Variants in TRPM6 observed in about 807,000 individuals in gnomAD.
TRPM6 encodes the protein channel kinase 2.
In TRPM6, 111 loss-of-function variants were observed where a neutral mutation model predicts 247.6. The observed-to-expected ratio is 0.45, with a 90% CI of 0.38 to 0.52. The LOEUF is 0.52. Among genes scored for constraint, TRPM6 ranks in the 20% least tolerant of loss-of-function variants. The pLI, the probability that TRPM6 is intolerant of heterozygous loss-of-function variation, is 0.00. For missense variants in TRPM6, 2,126 were observed against 2,421.5 expected (o/e 0.88, Z 2.56); for synonymous variants, 892 against 853.8 (o/e 1.04, Z -0.78).
At chr9:74,749,758 C>T (rs73530676) in intron 30 of TRPM6, among the ~76,000 whole-genome samples, 5,852 of 152,290 alleles carry the variant, frequency 0.038, 376 homozygotes, top group African/African-American at 0.13. Flanking sequence ...TAAACCCCTA[C>T]TCTGCATGAG....
chr9:74,780,165 C>CAA lies in TRPM6; in HGVS notation c.3209+2195_3209+2196dup, dbSNP rs372044136. On this transcript the variant is annotated intron_variant, in intron 23 of 38. Transcript: ENST00000360774. ...CCAGCCTGGACAACAGAGAGAGACT[C>CAA]AAAAAAAAAAAAGTGACAGGGGCCA... 1.2e-3 allele frequency among the ~76,000 whole-genome samples: 148 copies of CAA among 128,388 alleles called. 2 individuals are homozygous for CAA. The East Asian group carries it at 0.031, about 27-fold the overall frequency. 84.2% of individuals were successfully genotyped at this position (128,388 alleles called of 152,430 possible).
chr9:74,824,325 T>C (rs1406458030), intron 7 of TRPM6, among the ~76,000 whole-genome samples: 1 of 151,662 alleles, frequency 6.6e-6, no homozygotes, highest in African/African-American at 2.4e-5. Flanking sequence ...TGCTTTTTTG[T>C]ATTTTTAGTA....
intron 1 of TRPM6, among the ~76,000 whole-genome samples, chr9:74,880,095 G>C (rs1831315862): frequency 6.6e-6 from 1 of 152,064 alleles, no homozygotes. Context: ...AGTCCTCTGT[G>C]CTGATTGTTG....
At chr9:74,807,876 C>A (rs1439951308) in intron 14 of TRPM6, among the ~76,000 whole-genome samples, 158 bp downstream of exon 14, 1 of 152,172 alleles carries the variant, frequency 6.6e-6, no homozygotes, top group African/African-American at 2.4e-5. Context: ...CACTGCAACA[C>A]TTAGTACAGT....
chr9:74,805,348 T>G (rs537693172), intron 14 of TRPM6, among the ~76,000 whole-genome samples: 1 of 152,328 alleles, frequency 6.6e-6, no homozygotes, highest in East Asian at 1.9e-4. Flanking sequence ...CTTCACTTGT[T>G]GAGGGAGAAC....
intron 15 of TRPM6, among the ~76,000 whole-genome samples, chr9:74,802,491 A>C (rs891996130): frequency 3.9e-5 from 6 of 152,220 alleles, no homozygotes; most frequent in African/African-American, 1.4e-4. Flanking sequence ...AGGGGGAGAC[A>C]TAACAATGCC....
intron 14 of TRPM6, 42 bp from the exon 15 acceptor site, chr9:74,803,928 T>C (rs1404074299): frequency 8.5e-7 from 1 of 1,181,996 alleles, no homozygotes; most frequent in South Asian, 1.2e-5. Flanking sequence ...CTCTGGCACG[T>C]TATTATTTTA....
At chr9:74,724,858 C>A (rs990262298) in intron 38 of TRPM6, 112 bp from the exon 39 acceptor site, 2 of 1,381,586 alleles carry the variant, frequency 1.4e-6, no homozygotes, top group Non-Finnish European at 2.0e-6. Context: ...TCCTCTTCCT[C>A]AGACCATAGA....
chr9:74,742,707 C>A (rs1825903231), intron 32 of TRPM6, 81 bp from the exon 33 acceptor site: 15 of 1,145,860 alleles, frequency 1.3e-5, no homozygotes, highest in South Asian at 1.1e-4. Context: ...TCAATATATT[C>A]ATATAATGCT....
At chr9:74,802,283 A>G in intron 15 of TRPM6, 108 bp from the exon 16 acceptor site, 3 of 949,586 alleles carry the variant, frequency 3.2e-6, no homozygotes, top group African/African-American at 1.7e-5. Context: ...CACTACTAAA[A>G]AAGAGATGGA....
chr9:74,731,402 A>C (rs535598063), intron 37 of TRPM6, among the ~76,000 whole-genome samples: 40 of 152,198 alleles, frequency 2.6e-4, no homozygotes, highest in African/African-American at 9.6e-4. Context: ...AAAGTGAAAC[A>C]TAATAAAGTC....
chr9:74,807,917 C>T (rs1391011170), intron 14 of TRPM6, 117 bp downstream of exon 14: 1 of 1,168,204 alleles, frequency 8.6e-7, no homozygotes, highest in South Asian at 1.2e-5. Flanking sequence ...AACAAATGTC[C>T]ATAAATAAAA....
At position 74,868,097 on chromosome 9, in the gene TRPM6, T is replaced by C. The variant is rs575180749; in HGVS notation, c.34-9349A>G. Among the ~76,000 whole-genome samples the C allele has an allele frequency of 8.8e-5, 13 of 147,870 alleles. No homozygotes were observed. In the East Asian group the frequency reaches 2.6e-3, roughly 29 times the overall value. On this transcript the variant is annotated intron_variant, in intron 1 of 38. Transcript: ENST00000360774. ...TGAATCCGGGAGACAGAGGTTGCAGTAGGCTGAGATTGCACCCCTGTACTC... is the reference window on the plus strand; with the variant it reads ...TGAATCCGGGAGACAGAGGTTGCAGCAGGCTGAGATTGCACCCCTGTACTC...
At chr9:74,744,834 C>G (rs554372017) in intron 31 of TRPM6, among the ~76,000 whole-genome samples, 4 of 152,238 alleles carry the variant, frequency 2.6e-5, no homozygotes, top group Admixed American at 2.6e-4. Flanking sequence ...TGTTTTATAC[C>G]TCGCAGAGTA....
In TRPM6 at chr9:74,762,926, GT is replaced by G; in HGVS notation, c.3744del (p.Lys1248AsnfsTer15). 3 of 1,605,930 alleles carry G rather than the reference GT, an allele frequency of 1.9e-6. No homozygotes were observed. The highest frequency in any genetic ancestry group is 1.7e-6 in the Non-Finnish European group (2 of 1,174,718). On this transcript the variant is annotated frameshift_variant, in exon 26 of 39. Transcript: ENST00000360774. LOFTEE classifies it high-confidence loss of function. Reference protein sequence around the residue: ...LAKRKHSTCKKLPHSWSNVIC... With the variant: ...LAKRKHSTCKXLPHSWSNVIC... The stretch of plus-strand genomic sequence containing the variant: ...ATGACATTGCTCCAGCTGTGGGGAA[GT>G]TTTTTGCAAGTAGAATGCTTTCTCT...
intron 15 of TRPM6, among the ~76,000 whole-genome samples, chr9:74,803,420 G>A (rs1345370915): frequency 6.6e-6 from 1 of 152,176 alleles, no homozygotes; most frequent in African/African-American, 2.4e-5. Context: ...CAATGCGGCA[G>A]AGAAGTGAAG....
intron 33 of TRPM6, among the ~76,000 whole-genome samples, chr9:74,741,147 T>C (rs1825850285): frequency 6.6e-6 from 1 of 152,172 alleles, no homozygotes; most frequent in Non-Finnish European, 1.5e-5. Flanking sequence ...CACAAAATAC[T>C]ACTTAACTGC....
In TRPM6 at chr9:74,812,446, C is replaced by A; in HGVS notation, c.1309-13G>T. ...CCAGGGCATCAGGCTTCAGAAAGCA[C>A]AAATAAGAAATATAAAGACAATTAA... On this transcript the variant is annotated splice_polypyrimidine_tract_variant and intron_variant, in intron 11 of 38. Coordinates refer to ENST00000360774, the MANE Select transcript of TRPM6 (RefSeq NM_017662.5). 6.2e-7 allele frequency: 1 copy of A among 1,607,494 alleles called. No homozygotes were observed. Among genetic ancestry groups the A allele is most frequent in the Non-Finnish European group, 8.5e-7 (1 of 1,177,510 alleles).
rs1426466513 is a variant in TRPM6, at chr9:74,732,578, C to T, written c.5828+107G>A. ...CTATATACATAAGCTACCTAAAAAC[C>T]TTTCTAGGATCTAGGCAGGGAACAT... On this transcript the variant is annotated intron_variant, in intron 37 of 38. Transcript: ENST00000360774. 5 of 859,208 alleles carry T rather than the reference C, an allele frequency of 5.8e-6. No homozygotes were observed. The East Asian group carries it at 1.4e-4, about 23-fold the overall frequency. The allele number at this position is 859,208 out of a possible 1,614,324, so 53.2% of individuals were successfully genotyped here. A position where few individuals can be genotyped will look rare whatever the true frequency, so the allele number is the denominator to read the frequency against.
Sources: gnomAD v4.1 joint callset for allele counts (sites outside exome capture counted in the v4.1 genomes callset) on GRCh38, gnomAD v4.1.1 for gene constraint, MANE v1.5 for transcripts, NCBI Gene and HGNC (gene_info 2026-07-23, HGNC 2026-07-21) for gene names.